The following GSN variants were observed in gnomAD, a reference collection of about 807,000 sequenced individuals.
GSN encodes the protein gelsolin, also known as actin-depolymerizing factor.
Under a neutral mutation model 85.7 loss-of-function variants are expected in GSN, and 56 were observed. The ratio of observed to expected loss-of-function variants is 0.65; its 90% CI spans 0.53 to 0.82. The LOEUF is 0.82. GSN is among the 40% of genes least tolerant of loss of function. The pLI is 0.00. For missense variants in GSN, 857 were observed against 979.8 expected (o/e 0.87, Z 1.67); for synonymous variants, 373 against 399.1 (o/e 0.93, Z 0.78).
chr9:121,283,709 A>T (rs1270940908), intron 2 of GSN: 2 of 153,800 alleles, frequency 1.3e-5, no homozygotes, highest in Non-Finnish European at 3.1e-5. Flanking sequence ...ATTCATTCAT[A>T]TATTCATTCA....
At chr9:121,286,760 C>G (rs1021041267) in intron 2 of GSN, 2 of 1,534,688 alleles carry the variant, frequency 1.3e-6, no homozygotes, top group Non-Finnish European at 1.7e-6. Flanking sequence ...CCACTGTGTA[C>G]AGTAGGTATT....
At chr9:121,207,852 T>C (rs1486458760) in exon 1 of GSN, 1 of 151,434 alleles carries the variant, frequency 6.6e-6, no homozygotes, top group Non-Finnish European at 1.5e-5. Flanking sequence ...CCTCCTGGGC[T>C]CAAGCACTCC....
intron 4 of GSN, among the ~76,000 whole-genome samples, chr9:121,216,460 C>T (rs2054066010): frequency 6.6e-6 from 1 of 152,220 alleles, no homozygotes; most frequent in African/African-American, 2.4e-5. Context: ...TTTAATCTGA[C>T]ACAGGACAGA....
chr9:121,244,154 C>G (rs1287535493), intron 5 of GSN, among the ~76,000 whole-genome samples: 1 of 152,132 alleles, frequency 6.6e-6, no homozygotes, highest in Non-Finnish European at 1.5e-5. Context: ...GAAATTCATC[C>G]ATGTTGTAGT....
At chr9:121,203,450 T>G (rs967653911), upstream of GSN, 1 of 152,310 alleles carries the variant, frequency 6.6e-6, no homozygotes, top group Non-Finnish European at 1.5e-5. Flanking sequence ...TAAATAAATA[T>G]TCATTTTTGT....
At chr9:121,323,516 T>G (rs2133811019) in intron 11 of GSN, among the ~76,000 whole-genome samples, 1 of 151,810 alleles carries the variant, frequency 6.6e-6, no homozygotes, top group South Asian at 2.1e-4. Flanking sequence ...ACTACAGGTG[T>G]GCGCCAACAC....
Position 121,326,559 on chromosome 9 carries a change from T to C in GSN, c.1464T>C (p.Phe488=). 13 of 1,614,040 alleles carry C rather than the reference T, an allele frequency of 8.1e-6. No homozygotes were observed. Among genetic ancestry groups the C allele is most frequent in the Non-Finnish European group, 1.1e-5 (13 of 1,180,006 alleles). The part of the protein sequence containing the change: ...GKEPAHLMSL[F]GGKPMIIYKG... ...AGCCCGCCCACCTCATGAGCCTGTT[T>C]GGTGGGAAGCCCATGATCATCTACA... The change falls in exon 13 of 18, where the codon TTT becomes TTC. Residue 488 remains phenylalanine, a synonymous_variant. Coordinates refer to ENST00000432226, the MANE Select transcript of GSN (RefSeq NM_198252.3).
chr9:121,221,059 C>T (rs1212587501), intron 4 of GSN, among the ~76,000 whole-genome samples: 1 of 152,218 alleles, frequency 6.6e-6, no homozygotes, highest in African/African-American at 2.4e-5. Context: ...ATGGCAGACT[C>T]CATCTCCTGC....
chr9:121,310,612 C>T lies in GSN; in HGVS notation c.352-72C>T. 3 of 1,465,226 alleles carry T rather than the reference C, an allele frequency of 2.0e-6. 1 individual carries two copies. The highest frequency in any genetic ancestry group is 3.5e-5 in the Admixed American group (2 of 57,210). The allele number at this position is 1,465,226 out of a possible 1,614,324, so 90.8% of individuals were successfully genotyped here. A position where few individuals can be genotyped will look rare whatever the true frequency, so the allele number is the denominator to read the frequency against. ...AGCCAGAATTTCCTTTACCTCAATT[C>T]TGTCCCCTTCTTCCATATCTGCTTC... On this transcript the variant is annotated intron_variant, in intron 4 of 17. Coordinates refer to ENST00000432226, the MANE Select transcript of GSN (RefSeq NM_198252.3).
Position 121,299,333 on chromosome 9 carries a change from A to C in GSN, c.-9-2630A>C, listed in dbSNP as rs896071821. ...CCTGGTGGGGGTTCTGCCCAGGCCC[A>C]CTACGGCCTGAGTTCAAATCCCGGC... On this transcript the variant is annotated intron_variant, in intron 2 of 17. Transcript: ENST00000432226. This position sits in a 1 kb window ranked among gnomAD's most constrained non-coding sequence, Gnocchi z 4.2. The C allele has an allele frequency of 1.3e-4, 128 of 983,778 alleles. No homozygotes were observed. The highest frequency in any genetic ancestry group is 1.5e-4 in the Non-Finnish European group (126 of 828,488). 60.9% of individuals were successfully genotyped at this position (983,778 alleles called of 1,614,324 possible). A position where few individuals can be genotyped will look rare whatever the true frequency, so the allele number is the denominator to read the frequency against.
Position 121,299,834 on chromosome 9 carries a change from G to A in GSN, c.-9-2129G>A. The A allele has an allele frequency of 1.5e-6, 2 of 1,336,730 alleles. No individual in the cohort carries two copies. The highest frequency in any genetic ancestry group is 9.7e-7 in the Non-Finnish European group (1 of 1,036,228). The allele number at this position is 1,336,730 out of a possible 1,614,324, so 82.8% of individuals were successfully genotyped here. A position where few individuals can be genotyped will look rare whatever the true frequency, so the allele number is the denominator to read the frequency against. On this transcript the variant is annotated intron_variant, in intron 2 of 17. Transcript: ENST00000432226. This position sits in a 1 kb window ranked among gnomAD's most constrained non-coding sequence, Gnocchi z 4.2. ...TCGGCGACCCGAGGCCGCGGCTGCC[G>A]ACTGGGTCCCCTGCCGCTGTCGCCA... is the stretch of plus-strand genomic sequence containing the variant.
intron 1 of GSN, among the ~76,000 whole-genome samples, chr9:121,269,662 C>T (rs2055633276): frequency 6.6e-6 from 1 of 152,042 alleles, no homozygotes; most frequent in African/African-American, 2.4e-5. Flanking sequence ...TTTATAAATG[C>T]CAGGGAAATT....
chr9:121,272,010 G>T (rs946763792), intron 1 of GSN, among the ~76,000 whole-genome samples: 1 of 152,220 alleles, frequency 6.6e-6, no homozygotes, highest in African/African-American at 2.4e-5. Flanking sequence ...AGAAAAGCAC[G>T]TCCCAGGGGT....
At chr9:121,227,460 T>C (rs147164952) in intron 4 of GSN, among the ~76,000 whole-genome samples, 48 of 152,046 alleles carry the variant, frequency 3.2e-4, no homozygotes, top group African/African-American at 1.1e-3. Context: ...TGAGCCTCAC[T>C]AGCAAATTAA....
Position 121,326,794 on chromosome 9 carries a change from T to C in GSN, c.1587+112T>C, listed in dbSNP as rs751568419. ...GGGCAGGGGATGGTGAATGACGGGG[T>C]AAGAAGCAGCTTTTTGTATTTTCCT... On this transcript the variant is annotated intron_variant, in intron 13 of 17. Coordinates refer to ENST00000432226, the MANE Select transcript of GSN (RefSeq NM_198252.3). 22 of 994,464 alleles carry C rather than the reference T, an allele frequency of 2.2e-5. No homozygotes were observed. The African/African-American group carries it at 3.5e-4, about 16-fold the overall frequency. 61.6% of individuals were successfully genotyped at this position (994,464 alleles called of 1,614,324 possible).
In GSN at chr9:121,261,345, C is replaced by T. The variant is rs978410151; in HGVS notation, c.-340-3809C>T. On this transcript the variant is annotated intron_variant, in intron 6 of 24. Transcript: ENST00000373823. The surrounding 1 kb of genome is among the most constrained non-coding windows in gnomAD (Gnocchi z 4.1). ...CGTCTTGATTTTGCTCCAACAGTGT[C>T]AGTCTCCTGTGTGAGCCTGCGACAG... is the stretch of plus-strand genomic sequence containing the variant. Among the ~76,000 whole-genome samples the T allele has an allele frequency of 3.3e-5, 5 of 152,266 alleles. No homozygotes were observed. Among genetic ancestry groups the T allele is most frequent in the African/African-American group, 4.8e-5 (2 of 41,464 alleles).
At position 121,258,725 on chromosome 9, in the gene GSN, G is replaced by GT. The variant is rs34130574; in HGVS notation, c.-340-6417dup. 6.8e-3 allele frequency among the ~76,000 whole-genome samples: 995 copies of GT among 147,328 alleles called. 4 individuals carry two copies. The highest frequency in any genetic ancestry group is 0.021 in the Middle Eastern group (6 of 288). On this transcript the variant is annotated intron_variant, in intron 6 of 24. Coordinates refer to the GSN transcript ENST00000373823. ...TTAGCCTTGACCAATTCTATTACAA[G>GT]TTTTTTTTTTTTCCCAGCAGCATAA...
chr9:121,303,197 C>A, intron 4 of GSN, 132 bp downstream of exon 4: 1 of 846,136 alleles, frequency 1.2e-6, no homozygotes, highest in Non-Finnish European at 2.0e-6. Flanking sequence ...TGGAGTCAAC[C>A]AACATTGTGT....
At chr9:121,273,463 C>A (rs2056261718) in intron 1 of GSN, among the ~76,000 whole-genome samples, 1 of 151,956 alleles carries the variant, frequency 6.6e-6, no homozygotes, top group Non-Finnish European at 1.5e-5. Flanking sequence ...CCTCCAAGGA[C>A]CTTTTCCCCC....
Sources: allele counts gnomAD v4.1 joint callset (sites outside exome capture counted in the v4.1 genomes callset), GRCh38; gene constraint gnomAD v4.1.1; non-coding constraint Gnocchi (gnomAD v3.1); transcripts MANE v1.5; gene names NCBI Gene and HGNC (gene_info 2026-07-23, HGNC 2026-07-21).